The following COL4A1 variants were observed in gnomAD, a reference collection of about 807,000 sequenced individuals.
The protein encoded by COL4A1 is collagen alpha-1(IV) chain.
In COL4A1, 40 loss-of-function variants were observed where a neutral mutation model predicts 216.6. The ratio of observed to expected loss-of-function variants is 0.18; its 90% confidence interval spans 0.14 to 0.24. COL4A1 has a LOEUF of 0.24. Among genes scored for constraint, COL4A1 ranks in the 10% least tolerant of loss-of-function variants. COL4A1 has a pLI of 1.00. For synonymous variants in COL4A1, 839 were observed against 810.7 expected (o/e 1.03, Z -0.59); for missense variants, 1,628 against 2,196.8 (o/e 0.74, Z 5.18).
At chr13:110,194,914 T>C (rs531299367) in intron 22 of COL4A1, 109 bp downstream of exon 22, 2 of 822,602 alleles carry the variant, frequency 2.4e-6, no homozygotes, top group East Asian at 2.6e-5. Flanking sequence ...AAAAGGAACC[T>C]ACGCCCTAAC....
At chr13:110,176,340 C>A in intron 36 of COL4A1, 84 bp downstream of exon 36, 1 of 937,074 alleles carries the variant, frequency 1.1e-6, no homozygotes, top group African/African-American at 1.6e-5. Flanking sequence ...TCCGTCTCAG[C>A]TGAAGAGGAT....
chr13:110,159,459 G>A (rs537315855), intron 49 of COL4A1, among the ~76,000 whole-genome samples: 47 of 152,310 alleles, frequency 3.1e-4, no homozygotes, highest in African/African-American at 1.0e-3. Context: ...AACAACGCAT[G>A]CTGGTGAGGA....
chr13:110,230,284 GTATA>G lies in COL4A1; in HGVS notation c.144+12387_144+12390del, dbSNP rs1880970444. 2.6e-5 allele frequency among the ~76,000 whole-genome samples: 4 copies of G among 151,872 alleles called. No homozygotes were observed. The South Asian group carries it at 8.3e-4, about 32-fold the overall frequency. Reference sequence around the variant, plus strand: ...TGTATATGTTATGTGTGTGGTGCGTGTATATGTATGTGTGTGGTGTGTGCGTGTA... The same window carrying G: ...TGTATATGTTATGTGTGTGGTGCGTGTGTATGTGTGTGGTGTGTGCGTGTA... On this transcript the variant is annotated intron_variant, in intron 2 of 51. Transcript: ENST00000375820.
Position 110,221,790 on chromosome 13 carries a change from C to A in COL4A1, c.145-7775G>T, listed in dbSNP as rs752354685. 8.8e-4 allele frequency among the ~76,000 whole-genome samples: 134 copies of A among 152,134 alleles called. 3 individuals are homozygous for A. The highest frequency in any genetic ancestry group is 7.8e-3 in the Admixed American group (119 of 15,280). On this transcript the variant is annotated intron_variant, in intron 2 of 51. Transcript: ENST00000375820. ...CCGTTTCAAATATTGTTAAACAGAA[C>A]CATTTTAAGTCAGTCCCCCAGAGCA...
intron 2 of COL4A1, among the ~76,000 whole-genome samples, chr13:110,230,316 T>A (rs572397432): frequency 6.6e-6 from 1 of 152,080 alleles, no homozygotes; most frequent in South Asian, 2.1e-4. Flanking sequence ...TGCGTGTATG[T>A]GATATGTGCA....
intron 22 of COL4A1, among the ~76,000 whole-genome samples, chr13:110,193,985 CAG>C: frequency 6.6e-6 from 1 of 152,298 alleles, no homozygotes; most frequent in Non-Finnish European, 1.5e-5. Context: ...CTCGAGAAGA[CAG>C]ATGCTTCTCC....
At chr13:110,257,689 TC>T (rs993163368) in intron 1 of COL4A1, among the ~76,000 whole-genome samples, 4 of 152,070 alleles carry the variant, frequency 2.6e-5, no homozygotes, top group Non-Finnish European at 4.4e-5. Flanking sequence ...AAACCACACT[TC>T]CCCACTATAA....
chr13:110,152,527 G>T, intron 50 of COL4A1, 21 bp from the exon 51 acceptor site: 5 of 1,600,152 alleles, frequency 3.1e-6, no homozygotes, highest in Non-Finnish European at 4.2e-6. Flanking sequence ...GATGCGAGCC[G>T]TGAGTCAGAG....
rs926037766 is a variant in COL4A1 at position 110,210,133 on chromosome 13, G to T, written c.548C>A (p.Thr183Asn). Residue 183 changes from threonine (T) to asparagine (N), a missense_variant, in exon 9 of 52, where the codon ACT (threonine) becomes AAT (asparagine). Thr to Asn is a moderately conservative substitution (Grantham distance 65). Coordinates refer to ENST00000375820, the MANE Select transcript of COL4A1 (RefSeq NM_001845.6). ...GERGFPGIPG[T>N]PGPPGLPGLQ... ...AATGATTCAGCAAATGCTTACTGGA[G>T]TCCCTGGGATTCCGGGAAATCCTCT... 14 of 1,614,086 alleles carry T rather than the reference G, an allele frequency of 8.7e-6. No homozygotes were observed. Among genetic ancestry groups the T allele is most frequent in the Non-Finnish European group, 1.2e-5 (14 of 1,179,976 alleles).
chr13:110,253,613 CAT>C (rs1330905829), intron 1 of COL4A1, among the ~76,000 whole-genome samples: 1 of 142,392 alleles, frequency 7.0e-6, no homozygotes, highest in Non-Finnish European at 1.5e-5. Context: ...GTATGTATTA[CAT>C]ATACTTATAA....
rs1445772647 is a variant in COL4A1 at position 110,186,442 on chromosome 13, T to A, written c.1840A>T (p.Ile614Phe). ...AAGCCTGCTTGTCCTTTGTCACCAA[T>A]GGGACCAGCAGGACCATATCCTGGA... Reference protein sequence around the residue: ...GPPGYGPAGPIGDKGQAGFPG... With the variant: ...GPPGYGPAGPFGDKGQAGFPG... The change falls in exon 26 of 52, where the codon ATT becomes TTT. Residue 614 changes from isoleucine to phenylalanine, a missense_variant. This residue lies in a region of COL4A1 where 701 missense variants were observed against 892.5 expected (regional missense o/e 0.79). Transcript: ENST00000375820. 6.2e-7 allele frequency: 1 copy of A among 1,613,760 alleles called. No individual in the cohort carries two copies. The highest frequency in any genetic ancestry group is 2.2e-5 in the East Asian group (1 of 44,870).
chr13:110,224,857 TA>T (rs1164615453), intron 2 of COL4A1, among the ~76,000 whole-genome samples: 2 of 151,876 alleles, frequency 1.3e-5, no homozygotes, highest in Non-Finnish European at 2.9e-5. Context: ...CACCACAAGG[TA>T]GGTGATGGAT....
intron 1 of COL4A1, among the ~76,000 whole-genome samples, chr13:110,247,795 GT>G (rs1951390941): frequency 2.7e-5 from 2 of 74,846 alleles, no homozygotes; most frequent in South Asian, 1.1e-3. Context: ...CTACTCGTGT[GT>G]GTGTGTGTGT....
intron 1 of COL4A1, among the ~76,000 whole-genome samples, chr13:110,246,458 G>C (rs897244507): frequency 6.6e-6 from 1 of 152,128 alleles, no homozygotes; most frequent in Admixed American, 6.5e-5. Flanking sequence ...TTAATTCACT[G>C]TTGTAAATTA....
Position 110,170,738 on chromosome 13 carries a change from C to T in COL4A1, c.3557-6G>A, listed in dbSNP as rs1226083708. ...ACCCACCTCACCCTTTGAACCTGAA[C>T]AAGAAAAACAGTTTGAGGTGATGGG... On this transcript the variant is annotated splice_region_variant and splice_polypyrimidine_tract_variant and intron_variant, in intron 41 of 51. Coordinates refer to ENST00000375820, the MANE Select transcript of COL4A1 (RefSeq NM_001845.6). 2.5e-6 allele frequency: 4 copies of T among 1,614,028 alleles called. No homozygotes were observed. The highest frequency in any genetic ancestry group is 1.7e-6 in the Non-Finnish European group (2 of 1,180,016).
chr13:110,287,290 A>G (rs1883881324), intron 1 of COL4A1, among the ~76,000 whole-genome samples: 1 of 152,238 alleles, frequency 6.6e-6, no homozygotes, highest in South Asian at 2.1e-4. Context: ...GGCAAGCCAG[A>G]CAGCCTGCCG....
Position 110,210,904 on chromosome 13 carries a change from AC to A in COL4A1, c.469-693del, listed in dbSNP as rs373594759. 5.1e-3 allele frequency among the ~76,000 whole-genome samples: 780 copies of A among 152,156 alleles called. 6 individuals are homozygous for A. Among genetic ancestry groups the A allele is most frequent in the East Asian group, 0.018 (95 of 5,164 alleles). On this transcript the variant is annotated intron_variant, in intron 8 of 51. Coordinates refer to ENST00000375820, the MANE Select transcript of COL4A1 (RefSeq NM_001845.6). ...CCCTTCTCTGGTGTCTGGCCTGCCC[AC>A]CTCACTCTGCAGGTTTTGAGTTTGC...
chr13:110,219,832 G>GTGTGTATATA (rs1566385644), intron 2 of COL4A1, among the ~76,000 whole-genome samples: 5 of 119,746 alleles, frequency 4.2e-5, no homozygotes, highest in Admixed American at 9.1e-5. Flanking sequence ...ATATATGTAT[G>GTGTGTATATA]TATGTATATA....
chr13:110,291,546 C>T (rs961011795), intron 1 of COL4A1, among the ~76,000 whole-genome samples: 4 of 152,228 alleles, frequency 2.6e-5, no homozygotes, highest in Admixed American at 6.5e-5. Context: ...AGGCTGGCCA[C>T]GTGGCAGGGA....
Sources: gnomAD v4.1 joint callset for allele counts (sites outside exome capture counted in the v4.1 genomes callset) on GRCh38, gnomAD v4.1.1 for gene constraint, gnomAD v4.1.1 regional missense constraint, MANE v1.5 for transcripts, NCBI Gene and HGNC (gene_info 2026-07-23, HGNC 2026-07-21) for gene names.